The following GALNTL6 variants were observed in gnomAD, a reference collection of about 807,000 sequenced individuals.
The protein encoded by GALNTL6 is polypeptide N-acetylgalactosaminyltransferase like 6, also known as polypeptide N-acetylgalactosaminyltransferase-like 6.
In GALNTL6, 46 loss-of-function variants were observed where a neutral mutation model predicts 73.7. That is an observed-to-expected ratio of 0.62 (90% CI 0.49 to 0.80). The LOEUF is 0.80. Among genes scored for constraint, GALNTL6 ranks in the 30% least tolerant of loss-of-function variants. The pLI is 0.00. For synonymous variants in GALNTL6, 259 were observed against 263.7 expected (o/e 0.98, Z 0.17); for missense variants, 604 against 755.0 (o/e 0.80, Z 2.34).
intron 2 of GALNTL6, among the ~76,000 whole-genome samples, chr4:171,952,273 C>T (rs939053880): frequency 2.6e-5 from 4 of 151,874 alleles, no homozygotes; most frequent in African/African-American, 4.8e-5. Flanking sequence ...AAAATAGAAA[C>T]GGCCCCATAA....
chr4:171,994,368 T>C (rs528290775), intron 2 of GALNTL6, among the ~76,000 whole-genome samples: 48 of 152,250 alleles, frequency 3.2e-4, no homozygotes, highest in African/African-American at 1.1e-3. Context: ...CTGATAGATA[T>C]TTAATGGTTG....
At chr4:172,026,736 AC>A (rs1410747524) in intron 2 of GALNTL6, among the ~76,000 whole-genome samples, 1 of 152,128 alleles carries the variant, frequency 6.6e-6, no homozygotes, top group South Asian at 2.1e-4. Flanking sequence ...AGTTTGAATG[AC>A]TTTTACATGT....
chr4:172,916,679 C>T (rs564830351), intron 8 of GALNTL6, among the ~76,000 whole-genome samples: 13 of 152,228 alleles, frequency 8.5e-5, no homozygotes, highest in African/African-American at 1.4e-4. Context: ...ACCTAGGAAT[C>T]GAACTTACAA....
At chr4:172,893,663 C>T (rs1746170572) in intron 8 of GALNTL6, among the ~76,000 whole-genome samples, 1 of 152,214 alleles carries the variant, frequency 6.6e-6, no homozygotes, top group Admixed American at 6.5e-5. Flanking sequence ...ATAGCCAAGC[C>T]CTGCTCTCTC....
At chr4:172,691,150 G>T (rs1395983441) in intron 5 of GALNTL6, among the ~76,000 whole-genome samples, 1 of 152,190 alleles carries the variant, frequency 6.6e-6, no homozygotes, top group African/African-American at 2.4e-5. Flanking sequence ...AGGATGGCTG[G>T]GGAGGGTAGA....
At chr4:173,038,277 A>G (rs1486397895) in intron 12 of GALNTL6, among the ~76,000 whole-genome samples, 1 of 152,214 alleles carries the variant, frequency 6.6e-6, no homozygotes, top group Non-Finnish European at 1.5e-5. Flanking sequence ...CTGGGGAAGA[A>G]GAGAGAAGAC....
At chr4:172,106,265 A>T (rs1033202604) in intron 2 of GALNTL6, among the ~76,000 whole-genome samples, 40 of 152,306 alleles carry the variant, frequency 2.6e-4, no homozygotes, top group African/African-American at 9.6e-4. Flanking sequence ...CAAAATTTTA[A>T]GGGTCAAAAT....
chr4:172,042,094 A>G (rs1742102296), intron 2 of GALNTL6, among the ~76,000 whole-genome samples: 1 of 152,046 alleles, frequency 6.6e-6, no homozygotes, highest in South Asian at 2.1e-4. Flanking sequence ...CATTCAATTA[A>G]TAGCACTGAT....
chr4:172,176,394 A>AAAATAACG (rs1735002146), intron 2 of GALNTL6, among the ~76,000 whole-genome samples: 1 of 150,990 alleles, frequency 6.6e-6, no homozygotes, highest in African/African-American at 2.4e-5. Context: ...ATTAGAAATG[A>AAAATAACG]AAATAACGTT....
At chr4:172,908,836 A>G (rs1561027200) in intron 8 of GALNTL6, among the ~76,000 whole-genome samples, 2 of 152,082 alleles carry the variant, frequency 1.3e-5, no homozygotes, top group East Asian at 3.9e-4. Context: ...AAATTTATAA[A>G]GAAGATTCTC....
chr4:172,156,555 A>ATATATATAC (rs1560945715), intron 2 of GALNTL6, among the ~76,000 whole-genome samples: 1 of 136,462 alleles, frequency 7.3e-6, no homozygotes, highest in African/African-American at 2.9e-5. Context: ...ATATATATAT[A>ATATATATAC]TATATATATA....
chr4:172,210,767 C>T (rs569753568), intron 2 of GALNTL6, among the ~76,000 whole-genome samples: 22 of 152,102 alleles, frequency 1.4e-4, no homozygotes, highest in African/African-American at 2.9e-4. Context: ...TAAAGAGTTA[C>T]GTTCCACCTA....
chr4:172,117,130 T>C (rs778850817), intron 2 of GALNTL6, among the ~76,000 whole-genome samples: 4 of 152,178 alleles, frequency 2.6e-5, no homozygotes, highest in African/African-American at 9.6e-5. Context: ...GCAAAATTCA[T>C]GAGAGCAAAA....
At chr4:172,995,351 C>A (rs1338147154) in intron 10 of GALNTL6, among the ~76,000 whole-genome samples, 1 of 152,190 alleles carries the variant, frequency 6.6e-6, no homozygotes, top group Non-Finnish European at 1.5e-5. Flanking sequence ...GCTTGCAGGC[C>A]ACTTGAGGTT....
intron 2 of GALNTL6, among the ~76,000 whole-genome samples, chr4:171,916,262 A>G (rs1737624207): frequency 6.6e-6 from 1 of 152,100 alleles, no homozygotes; most frequent in Non-Finnish European, 1.5e-5. Flanking sequence ...TGCTGAAAAA[A>G]AAAGCAAATA....
intron 2 of GALNTL6, among the ~76,000 whole-genome samples, chr4:171,967,747 A>G (rs1397244092): frequency 6.6e-6 from 1 of 152,136 alleles, no homozygotes; most frequent in Non-Finnish European, 1.5e-5. Flanking sequence ...AACCTATTTG[A>G]ATTTTTTTCC....
At chr4:172,484,074 T>C (rs968593068) in intron 5 of GALNTL6, among the ~76,000 whole-genome samples, 9 of 152,134 alleles carry the variant, frequency 5.9e-5, no homozygotes, top group African/African-American at 2.2e-4. Context: ...TGAAAATTAT[T>C]TCAGGGACAG....
At position 173,037,735 on chromosome 4, in the gene GALNTL6, G is replaced by T. The variant is rs1363676167; in HGVS notation, c.1639-2198G>T. Among the ~76,000 whole-genome samples, 4 of 151,772 alleles carry T rather than the reference G, an allele frequency of 2.6e-5. No individual in the cohort carries two copies. In the East Asian group the frequency reaches 7.7e-4, roughly 29 times the overall value. On this transcript the variant is annotated intron_variant, in intron 12 of 12. Coordinates refer to ENST00000506823, the MANE Select transcript of GALNTL6 (RefSeq NM_001034845.3). The stretch of plus-strand genomic sequence containing the variant: ...GGGGGAAATTGTGCTCATCTGGAGG[G>T]TCCACATGAGCATTTTTTTTTTTTT...
chr4:172,578,654 A>G (rs1737052303), intron 5 of GALNTL6, among the ~76,000 whole-genome samples: 1 of 152,224 alleles, frequency 6.6e-6, no homozygotes, highest in Admixed American at 6.5e-5. Flanking sequence ...GAACAATTTG[A>G]TAGTTCATTT....
Sources: allele counts gnomAD v4.1 joint callset (sites outside exome capture counted in the v4.1 genomes callset), GRCh38; gene constraint gnomAD v4.1.1; transcripts MANE v1.5; gene names NCBI Gene and HGNC (gene_info 2026-07-23, HGNC 2026-07-21).